ZNF385B: variants seen among roughly 807,000 people sequenced by gnomAD.
ZNF385B encodes zinc finger protein 385B.
Under a neutral mutation model 39.2 loss-of-function variants are expected in ZNF385B, and 23 were observed. The ratio of observed to expected loss-of-function variants is 0.59; its 90% CI spans 0.42 to 0.83. The LOEUF is 0.83. ZNF385B is among the 40% of genes least tolerant of loss of function. The pLI is 0.00. For synonymous variants in ZNF385B, 205 were observed against 222.6 expected, an observed-to-expected ratio of 0.92 and a Z score of 0.70; for missense variants, 552 against 598.9, an observed-to-expected ratio of 0.92 and a Z score of 0.82.
At chr2:179,460,799 T>A (rs1054487467) in intron 6 of ZNF385B, among the ~76,000 whole-genome samples, 19 of 152,126 alleles carry the variant, frequency 1.2e-4, no homozygotes, top group Non-Finnish European at 2.8e-4. Flanking sequence ...AATCAGCATT[T>A]CCCATTCCCT....
At chr2:179,815,363 A>G (rs1706997826) in intron 1 of ZNF385B, among the ~76,000 whole-genome samples, 1 of 152,208 alleles carries the variant, frequency 6.6e-6, no homozygotes, top group Admixed American at 6.5e-5. Context: ...GGAGATGTTC[A>G]CTTTTATTAC....
intron 6 of ZNF385B, among the ~76,000 whole-genome samples, chr2:179,472,471 A>G (rs984002877): frequency 6.6e-6 from 1 of 152,248 alleles, no homozygotes; most frequent in Non-Finnish European, 1.5e-5. Flanking sequence ...GGCAAAAATC[A>G]TAAGACACTG....
intron 3 of ZNF385B, among the ~76,000 whole-genome samples, chr2:179,761,635 G>T (rs1236928780): frequency 6.6e-6 from 1 of 151,376 alleles, no homozygotes; most frequent in Non-Finnish European, 1.5e-5. Flanking sequence ...CTGGAGTACA[G>T]TGGTGTGATT....
intron 3 of ZNF385B, chr2:179,576,167 C>T: frequency 1.0e-5 from 10 of 985,436 alleles, no homozygotes; most frequent in Non-Finnish European, 1.2e-5. Flanking sequence ...TGACTTCTGT[C>T]CTAGTTCAGA....
intron 3 of ZNF385B, among the ~76,000 whole-genome samples, chr2:179,644,971 T>C (rs1327256271): frequency 6.6e-6 from 1 of 152,232 alleles, no homozygotes; most frequent in East Asian, 1.9e-4. Flanking sequence ...AAATGTAACA[T>C]ATATACATAC....
intron 4 of ZNF385B, among the ~76,000 whole-genome samples, chr2:179,529,045 A>G (rs1357288465): frequency 6.6e-6 from 1 of 152,240 alleles, no homozygotes; most frequent in African/African-American, 2.4e-5. Flanking sequence ...CCTCATAGTC[A>G]CTAACACACA....
intron 3 of ZNF385B, among the ~76,000 whole-genome samples, chr2:179,640,152 G>C (rs1195052288): frequency 6.6e-6 from 1 of 152,144 alleles, no homozygotes; most frequent in Admixed American, 6.6e-5. Context: ...ACAAAGACCT[G>C]ACCATTAAAT....
At chr2:179,446,052 G>A (rs1457125843) in intron 7 of ZNF385B, among the ~76,000 whole-genome samples, 1 of 150,970 alleles carries the variant, frequency 6.6e-6, no homozygotes, top group Non-Finnish European at 1.5e-5. Flanking sequence ...TTCATAATGG[G>A]GATCATACTA....
intron 3 of ZNF385B, among the ~76,000 whole-genome samples, chr2:179,607,487 C>T (rs1009965975): frequency 1.8e-4 from 27 of 152,128 alleles, no homozygotes; most frequent in Non-Finnish European, 2.9e-4. Context: ...CCTGAGGCCT[C>T]CCCAGCCATG....
At chr2:179,757,402 C>CG (rs1703106055) in intron 3 of ZNF385B, among the ~76,000 whole-genome samples, 2 of 152,060 alleles carry the variant, frequency 1.3e-5, no homozygotes, top group South Asian at 4.1e-4. Flanking sequence ...TTAGGCTACT[C>CG]GGGGTCAGGG....
At chr2:179,829,266 T>C (rs560467528) in intron 1 of ZNF385B, among the ~76,000 whole-genome samples, 2 of 152,264 alleles carry the variant, frequency 1.3e-5, no homozygotes, top group African/African-American at 4.8e-5. Context: ...TTCTCCTAGG[T>C]CTTCAGTGAT....
chr2:179,837,256 T>C (rs747229472), intron 1 of ZNF385B, among the ~76,000 whole-genome samples: 1 of 152,266 alleles, frequency 6.6e-6, no homozygotes, highest in Non-Finnish European at 1.5e-5. Context: ...TGGAATATAA[T>C]ATTTCTATGA....
intron 1 of ZNF385B, 150 bp from the exon 2 acceptor site, chr2:179,770,822 G>C (rs1703970929): frequency 6.6e-6 from 1 of 152,166 alleles, no homozygotes; most frequent in Non-Finnish European, 1.5e-5. Context: ...ACTAAGGGAA[G>C]ATTCGAAAGG....
At chr2:179,716,066 A>G (rs1700311155) in intron 3 of ZNF385B, among the ~76,000 whole-genome samples, 1 of 152,204 alleles carries the variant, frequency 6.6e-6, no homozygotes, top group African/African-American at 2.4e-5. Context: ...AATCCTAGCA[A>G]ACACATGATT....
At chr2:179,650,468 G>A (rs759555139) in intron 3 of ZNF385B, among the ~76,000 whole-genome samples, 23 of 152,176 alleles carry the variant, frequency 1.5e-4, no homozygotes, top group Admixed American at 9.8e-4. Flanking sequence ...CATTATTCAA[G>A]ATAAGGGATA....
chr2:179,836,513 C>CTTTTCTTT (rs1708255081), intron 1 of ZNF385B, among the ~76,000 whole-genome samples: 1 of 124,178 alleles, frequency 8.1e-6, no homozygotes, highest in Non-Finnish European at 1.6e-5. Flanking sequence ...CTTGCGTTTT[C>CTTTTCTTT]TTTTTTTTTT....
intron 3 of ZNF385B, among the ~76,000 whole-genome samples, chr2:179,577,310 G>A (rs1035825001): frequency 3.9e-5 from 6 of 152,038 alleles, no homozygotes; most frequent in Admixed American, 3.9e-4. Context: ...TCCATTTAAA[G>A]CTACTTCTAG....
intron 6 of ZNF385B, among the ~76,000 whole-genome samples, chr2:179,464,511 G>T (rs1182999262): frequency 1.3e-5 from 2 of 152,102 alleles, no homozygotes; most frequent in Non-Finnish European, 2.9e-5. Context: ...GATCCATCTT[G>T]AGTTGATTTT....
intron 3 of ZNF385B, among the ~76,000 whole-genome samples, chr2:179,602,151 C>A (rs759286804): frequency 8.5e-5 from 13 of 152,278 alleles, no homozygotes; most frequent in Non-Finnish European, 1.6e-4. Context: ...TCAGAACTGT[C>A]CACTAAGAAA....
Sources: allele counts gnomAD v4.1 joint callset (sites outside exome capture counted in the v4.1 genomes callset), GRCh38; gene constraint gnomAD v4.1.1; transcripts MANE v1.5; gene names NCBI Gene and HGNC (gene_info 2026-07-23, HGNC 2026-07-21).